Variants in NRXN3 observed in about 807,000 individuals in gnomAD.
The protein encoded by NRXN3 is neurexin III.
A neutral mutation model predicts 137.6 loss-of-function variants in NRXN3; 32 were observed. That is an observed-to-expected ratio of 0.23 (90% CI 0.18 to 0.31). The LOEUF (loss-of-function observed/expected upper bound fraction) is 0.31. Among genes scored for constraint, NRXN3 ranks in the 10% least tolerant of loss-of-function variants. The pLI, the probability that NRXN3 is intolerant of heterozygous loss-of-function variation, is 1.00. For synonymous variants in NRXN3, 798 were observed against 784.5 expected (o/e 1.02, Z -0.29); for missense variants, 1,574 against 2,062.5 (o/e 0.76, Z 4.59).
intron 15 of NRXN3, among the ~76,000 whole-genome samples, chr14:79,191,264 A>T (rs1049796306): frequency 1.2e-4 from 18 of 152,216 alleles, no homozygotes; most frequent in African/African-American, 4.3e-4. Context: ...CAAACTATGG[A>T]AGCAGGGAGA....
chr14:79,145,900 T>C (rs934343435), intron 15 of NRXN3, among the ~76,000 whole-genome samples: 5 of 152,170 alleles, frequency 3.3e-5, no homozygotes, highest in African/African-American at 1.2e-4. Context: ...GTTACCTCTA[T>C]AAACTAGTGA....
chr14:79,680,168 C>A (rs190091406), intron 17 of NRXN3, among the ~76,000 whole-genome samples: 4 of 152,114 alleles, frequency 2.6e-5, no homozygotes, highest in Non-Finnish European at 4.4e-5. Flanking sequence ...TAAACTTTAA[C>A]AGGGGCTGAA....
intron 4 of NRXN3, among the ~76,000 whole-genome samples, chr14:78,305,156 A>G (rs1178788809): frequency 3.3e-5 from 5 of 152,076 alleles, no homozygotes; most frequent in Admixed American, 3.3e-4. Flanking sequence ...ACCTTCGGAG[A>G]GGCTGGTCTG....
At position 78,720,175 on chromosome 14, in the gene NRXN3, T is replaced by C. The variant is rs111385077; in HGVS notation, c.2044+5036T>C. ...TTGGTGCTCTTATTCTTTGCCACGATATTAAAGGTCATCTATATGTTAGTG... is the reference window on the plus strand; with the variant it reads ...TTGGTGCTCTTATTCTTTGCCACGACATTAAAGGTCATCTATATGTTAGTG... On this transcript the variant is annotated intron_variant, in intron 8 of 20. Transcript: ENST00000335750. 2.4e-4 allele frequency among the ~76,000 whole-genome samples: 36 copies of C among 152,298 alleles called. 1 individual carries two copies. In the Middle Eastern group the frequency reaches 0.017, roughly 72 times the overall value.
intron 4 of NRXN3, among the ~76,000 whole-genome samples, chr14:78,470,767 C>T (rs753551951): frequency 1.3e-4 from 20 of 152,096 alleles, no homozygotes; most frequent in Non-Finnish European, 2.2e-4. Context: ...TTTAGTATCA[C>T]GCTTTTTTAC....
chr14:78,297,793 C>T (rs1349346037), intron 3 of NRXN3, 38 bp from the exon 4 acceptor site: 1 of 1,402,706 alleles, frequency 7.1e-7, no homozygotes, highest in Admixed American at 2.0e-5. Context: ...TTACCCTTCC[C>T]CACTCCTCTT....
chr14:78,919,268 T>G (rs1376625794), intron 10 of NRXN3, among the ~76,000 whole-genome samples: 2 of 152,226 alleles, frequency 1.3e-5, no homozygotes, highest in Non-Finnish European at 2.9e-5. Flanking sequence ...AGTATGGTGT[T>G]GCTTTTTTCA....
chr14:78,811,018 T>A (rs1390417747), intron 10 of NRXN3, among the ~76,000 whole-genome samples: 1 of 152,146 alleles, frequency 6.6e-6, no homozygotes, highest in Admixed American at 6.5e-5. Flanking sequence ...TCCTTAGAAG[T>A]AAACATTAGC....
intron 8 of NRXN3, among the ~76,000 whole-genome samples, chr14:78,758,395 G>C (rs918342600): frequency 1.3e-5 from 2 of 152,160 alleles, no homozygotes; most frequent in African/African-American, 2.4e-5. Flanking sequence ...ACAGCTGAGT[G>C]GTACTTCTAG....
At chr14:78,270,436 A>G (rs1409177467) in intron 2 of NRXN3, among the ~76,000 whole-genome samples, 2 of 152,136 alleles carry the variant, frequency 1.3e-5, no homozygotes, top group African/African-American at 2.4e-5. Context: ...TAGGAAGTTG[A>G]TATATGCATC....
rs61976013 is a variant in NRXN3 at position 78,285,554 on chromosome 14, C to T, written c.727+6892C>T. Among the ~76,000 whole-genome samples, 1,308 of 152,242 alleles carry T rather than the reference C, an allele frequency of 8.6e-3. 7 individuals are homozygous for T. Among genetic ancestry groups the T allele is most frequent in the Non-Finnish European group, 0.014 (979 of 68,000 alleles). ...GGTAGGTGCGGCCCAGGAGACATCT[C>T]CTAGGGAGTTCCACTAGAGTGTACA... On this transcript the variant is annotated intron_variant, in intron 3 of 20. Coordinates refer to ENST00000335750, the MANE Select transcript of NRXN3 (RefSeq NM_001330195.2).
intron 15 of NRXN3, among the ~76,000 whole-genome samples, chr14:79,328,542 A>G (rs138469639): frequency 6.6e-6 from 1 of 152,350 alleles, no homozygotes; most frequent in East Asian, 1.9e-4. Context: ...TACTTAAAAC[A>G]TAAAGCTCTT....
At chr14:78,657,263 G>A (rs149631545) in intron 6 of NRXN3, among the ~76,000 whole-genome samples, 2 of 152,082 alleles carry the variant, frequency 1.3e-5, no homozygotes, top group African/African-American at 4.8e-5. Flanking sequence ...ATGAAATACA[G>A]GAAGGCCAAG....
At chr14:79,174,536 C>T (rs1352592972) in intron 15 of NRXN3, among the ~76,000 whole-genome samples, 3 of 136,362 alleles carry the variant, frequency 2.2e-5, no homozygotes, top group South Asian at 2.4e-4. Context: ...CATATATATG[C>T]TTTGATCAGA....
rs79367104 is a variant in NRXN3, at chr14:78,988,351, C to T, written c.3262+210C>T. 9.9e-4 allele frequency: 580 copies of T among 585,776 alleles called. 3 individuals carry two copies. The highest frequency in any genetic ancestry group is 9.1e-3 in the African/African-American group (487 of 53,456). 36.3% of individuals were successfully genotyped at this position (585,776 alleles called of 1,614,324 possible). On this transcript the variant is annotated intron_variant, in intron 15 of 20. Transcript: ENST00000335750. ...ACAACACTAAATATTCTCCCACTTG[C>T]TCACTCCCTGTGTTTTTTCTTTAGA...
chr14:79,245,877 A>C (rs2075094125), intron 15 of NRXN3, among the ~76,000 whole-genome samples: 1 of 152,154 alleles, frequency 6.6e-6, no homozygotes, highest in African/African-American at 2.4e-5. Context: ...TTTTAAAGGA[A>C]GAAAAAAGGG....
chr14:78,953,723 A>G (rs2099391278), intron 10 of NRXN3, among the ~76,000 whole-genome samples: 3 of 152,028 alleles, frequency 2.0e-5, no homozygotes, highest in Admixed American at 1.3e-4. Context: ...TCCAGCAGTG[A>G]TAGTTTAAGC....
chr14:79,022,644 C>T (rs1489387895), intron 15 of NRXN3, among the ~76,000 whole-genome samples: 1 of 152,176 alleles, frequency 6.6e-6, no homozygotes, highest in Admixed American at 6.5e-5. Flanking sequence ...CCACACTCCC[C>T]TGCTGCAATC....
intron 10 of NRXN3, among the ~76,000 whole-genome samples, chr14:78,892,143 C>A (rs2099160767): frequency 6.6e-6 from 1 of 151,900 alleles, no homozygotes; most frequent in Admixed American, 6.6e-5. Flanking sequence ...GGGGGTCTAG[C>A]AATTTATGGT....
Sources: gnomAD v4.1 joint callset for allele counts (sites outside exome capture counted in the v4.1 genomes callset) on GRCh38, gnomAD v4.1.1 for gene constraint, MANE v1.5 for transcripts, NCBI Gene and HGNC (gene_info 2026-07-23, HGNC 2026-07-21) for gene names.